CFAP92: variants seen among roughly 807,000 people sequenced by gnomAD.
CFAP92 encodes cilia and flagella associated protein 92 (putative), also known as uncharacterized protein CFAP92.
CFAP92 carries 86 observed loss-of-function variants against 106.3 expected under a neutral mutation model. That is an observed-to-expected ratio of 0.81 (90% CI 0.68 to 0.97). The LOEUF is 0.97. CFAP92 is among the 50% of genes least tolerant of loss of function. CFAP92 has a pLI of 0.00. For synonymous variants in CFAP92, 477 were observed against 506.4 expected (o/e 0.94, Z 0.78); for missense variants, 1,204 against 1,283.8 (o/e 0.94, Z 0.95).
chr3:128,947,505 G>A (rs185111536), intron 9 of CFAP92, among the ~76,000 whole-genome samples: 1 of 152,174 alleles, frequency 6.6e-6, no homozygotes, highest in African/African-American at 2.4e-5. Context: ...TTACTACAAA[G>A]CTACTATAAG....
chr3:129,023,612 G>A, the CFAP92 span, among the ~76,000 whole-genome samples: 5 of 152,216 alleles, frequency 3.3e-5, no homozygotes, highest in Admixed American at 1.3e-4. Context: ...GATTACAGGC[G>A]TGAGCCACCG....
intron 2 of CFAP92, among the ~76,000 whole-genome samples, chr3:128,989,297 A>C (rs1944063939): frequency 6.6e-6 from 1 of 151,802 alleles, no homozygotes; most frequent in Non-Finnish European, 1.5e-5. Context: ...GGTAAAAAAA[A>C]AAAAAAAAAA....
chr3:129,013,935 G>GT, the CFAP92 span, among the ~76,000 whole-genome samples: 1 of 152,230 alleles, frequency 6.6e-6, no homozygotes, highest in Non-Finnish European at 1.5e-5. Context: ...CTAGGCAGGG[G>GT]CAGGAGCGAC....
the CFAP92 span, among the ~76,000 whole-genome samples, chr3:129,009,707 C>A: frequency 6.6e-6 from 1 of 152,220 alleles, no homozygotes; most frequent in Non-Finnish European, 1.5e-5. Context: ...CTGGAGCTCG[C>A]AGCCCAGTCC....
chr3:128,967,706 AAAAAAAAAAAGACT>A (rs1349230091), intron 8 of CFAP92: 1 of 151,994 alleles, frequency 6.6e-6, no homozygotes, highest in Non-Finnish European at 1.5e-5. Context: ...CCGTCTCAAA[AAAAAAAAAAAGACT>A]ACTCAAGGTA....
intron 2 of CFAP92, among the ~76,000 whole-genome samples, chr3:128,990,276 GA>G (rs1433153424): frequency 1.3e-5 from 2 of 152,210 alleles, no homozygotes; most frequent in East Asian, 3.8e-4. Flanking sequence ...GCAGGAGGAT[GA>G]TCTGAGGTCA....
intron 12 of CFAP92, 115 bp downstream of exon 12, chr3:128,932,585 A>G: frequency 9.5e-7 from 1 of 1,056,616 alleles, no homozygotes; most frequent in Non-Finnish European, 1.3e-6. Context: ...CCAGGAGCGC[A>G]GGCACGACCA....
intron 11 of CFAP92, among the ~76,000 whole-genome samples, chr3:128,934,372 A>G (rs1013703260): frequency 6.6e-6 from 1 of 152,136 alleles, no homozygotes; most frequent in African/African-American, 2.4e-5. Flanking sequence ...GGCATGCGCC[A>G]CCATGCCTGG....
intron 4 of CFAP92, among the ~76,000 whole-genome samples, chr3:128,983,956 C>G (rs1943686880): frequency 6.6e-6 from 1 of 152,162 alleles, no homozygotes; most frequent in African/African-American, 2.4e-5. Flanking sequence ...GCCAGGCCGG[C>G]AGGAGAGAGG....
chr3:128,935,618 A>G (rs1165992762), intron 10 of CFAP92, among the ~76,000 whole-genome samples: 3 of 152,204 alleles, frequency 2.0e-5, no homozygotes, highest in Non-Finnish European at 4.4e-5. Context: ...AGGCTGAGGC[A>G]GTAGAATCAC....
intron 15 of CFAP92, chr3:128,914,733 A>G: frequency 5.6e-6 from 1 of 178,548 alleles, no homozygotes; most frequent in Non-Finnish European, 1.2e-5. Flanking sequence ...TGCCGCTGGA[A>G]GGTCCCAGTG....
In CFAP92 at chr3:128,953,600, C is replaced by CCCCTCT. The variant is rs1257648783; in HGVS notation, c.1354-7631_1354-7626dup. ...CTCCCTCTCCCTCTCCCTCTCCCTC[C>CCCCTCT]CCCTCTCCCTCTCCCTCTCCCTCCC... On this transcript the variant is annotated intron_variant, in intron 9 of 15. Transcript: ENST00000645291. Among the ~76,000 whole-genome samples, 548 of 93,620 alleles carry CCCCTCT rather than the reference C, an allele frequency of 5.9e-3. 2 individuals carry two copies. The highest frequency in any genetic ancestry group is 8.0e-3 in the Non-Finnish European group (407 of 50,606). 61.4% of individuals were successfully genotyped at this position (93,620 alleles called of 152,430 possible).
chr3:128,920,406 GA>G (rs888163671), intron 12 of CFAP92, among the ~76,000 whole-genome samples: 54 of 149,062 alleles, frequency 3.6e-4, no homozygotes, highest in South Asian at 6.4e-4. Context: ...TCCATCTCAA[GA>G]AAAAAAAATT....
At chr3:128,913,305 T>TA (rs1334824165) in intron 15 of CFAP92, among the ~76,000 whole-genome samples, 1 of 152,202 alleles carries the variant, frequency 6.6e-6, no homozygotes, top group Non-Finnish European at 1.5e-5. Context: ...CCTTAGTTTT[T>TA]ATCCTTCTCA....
At chr3:128,924,658 G>T (rs1474169852) in intron 12 of CFAP92, among the ~76,000 whole-genome samples, 1 of 151,466 alleles carries the variant, frequency 6.6e-6, no homozygotes, top group Admixed American at 6.6e-5. Context: ...TGTTGGTCAG[G>T]CTAGTCCCGA....
At chr3:128,918,424 G>A (rs921619227) in intron 12 of CFAP92, among the ~76,000 whole-genome samples, 3 of 152,220 alleles carry the variant, frequency 2.0e-5, no homozygotes, top group African/African-American at 7.2e-5. Flanking sequence ...ATTGAGCCGA[G>A]ATCATGCCAC....
intron 2 of CFAP92, among the ~76,000 whole-genome samples, chr3:128,989,550 C>T (rs1446063808): frequency 1.3e-5 from 2 of 152,160 alleles, no homozygotes; most frequent in Non-Finnish European, 2.9e-5. Flanking sequence ...GTGGAAGGTA[C>T]AGATGGGCTT....
At chr3:128,937,127 C>G (rs1161841511) in intron 10 of CFAP92, among the ~76,000 whole-genome samples, 3 of 150,894 alleles carry the variant, frequency 2.0e-5, no homozygotes, top group Admixed American at 2.0e-4. Flanking sequence ...CTGGTGAAAC[C>G]CCATCTCTAC....
At chr3:129,002,484 C>G in intron 1 of CFAP92, 1 of 1,330,560 alleles carries the variant, frequency 7.5e-7, no homozygotes, top group Non-Finnish European at 9.7e-7. Flanking sequence ...CATCTTGCCC[C>G]TGTTCCTCCC....
Sources: allele counts gnomAD v4.1 joint callset (sites outside exome capture counted in the v4.1 genomes callset), GRCh38; gene constraint gnomAD v4.1.1; transcripts MANE v1.5; gene names NCBI Gene and HGNC (gene_info 2026-07-23, HGNC 2026-07-21).